HGF: variants seen among roughly 807,000 people sequenced by gnomAD.
HGF encodes the protein fibroblast-derived tumor cytotoxic factor.
HGF carries 39 observed loss-of-function variants against 111.6 expected under a neutral mutation model. That is an observed-to-expected ratio of 0.35 (90% confidence interval 0.27 to 0.46). The LOEUF (loss-of-function observed/expected upper bound fraction) is 0.46. Ranked by LOEUF, HGF falls within the 20% of genes least tolerant of loss-of-function variation. The probability of loss-of-function intolerance (pLI) is 1.00; values close to 1 mark genes in which losing one functional copy is unlikely to be tolerated. For missense variants in HGF, 735 were observed against 910.5 expected (o/e 0.81, Z 2.48); for synonymous variants, 285 against 294.8 (o/e 0.97, Z 0.34).
intron 7 of HGF, among the ~76,000 whole-genome samples, chr7:81,734,258 C>T (rs1787755605): frequency 6.6e-6 from 1 of 152,114 alleles, no homozygotes; most frequent in African/African-American, 2.4e-5. Context: ...CCAGGGGTAT[C>T]AGCAGTGGCT....
intron 9 of HGF, among the ~76,000 whole-genome samples, chr7:81,723,637 T>C (rs1193985104): frequency 6.6e-6 from 1 of 151,014 alleles, no homozygotes; most frequent in Non-Finnish European, 1.5e-5. Context: ...CAGTTTTCAT[T>C]TTTCTTTAAT....
chr7:81,751,201 T>A (rs985564984), intron 5 of HGF: 5 of 920,514 alleles, frequency 5.4e-6, no homozygotes, highest in African/African-American at 5.4e-5. Context: ...GATATCTTAG[T>A]ATAAAACTTG....
chr7:81,746,531 A>T (rs1231699958), intron 5 of HGF, among the ~76,000 whole-genome samples: 1 of 152,212 alleles, frequency 6.6e-6, no homozygotes, highest in Non-Finnish European at 1.5e-5. Context: ...ATGATGCAGC[A>T]TTTATCGTTA....
rs533067633 is a variant in HGF, at chr7:81,702,767, A to G, written c.2011-10T>C. On this transcript the variant is annotated splice_polypyrimidine_tract_variant and intron_variant, in intron 17 of 17. Transcript: ENST00000222390. ...GGCCACCATAATCCCCCTAGGAGTA[A>G]GACATACAAAAACAAAGTATTATTA... 14 of 1,608,290 alleles carry G rather than the reference A, an allele frequency of 8.7e-6. No individual in the cohort carries two copies. Among genetic ancestry groups the G allele is most frequent in the Non-Finnish European group, 1.2e-5 (14 of 1,175,446 alleles).
chr7:81,749,980 C>A (rs570572246), intron 5 of HGF, among the ~76,000 whole-genome samples: 3 of 152,010 alleles, frequency 2.0e-5, no homozygotes, highest in African/African-American at 7.2e-5. Flanking sequence ...ATAGTTGCTA[C>A]CTTAGCCATA....
intron 6 of HGF, among the ~76,000 whole-genome samples, chr7:81,744,323 G>C (rs1207503442): frequency 6.7e-6 from 1 of 148,472 alleles, no homozygotes; most frequent in African/African-American, 2.5e-5. Context: ...TTTTTTTGGC[G>C]GAGATGGGTA....
intron 7 of HGF, among the ~76,000 whole-genome samples, chr7:81,733,286 G>A (rs1290073843): frequency 1.3e-5 from 2 of 151,656 alleles, no homozygotes; most frequent in African/African-American, 4.8e-5. Context: ...AGAATACAAA[G>A]AATTACTGTA....
rs985884873 is a variant in HGF, at chr7:81,707,468, A to C, written c.1542-104T>G. 4.3e-5 allele frequency: 31 copies of C among 713,752 alleles called. No individual in the cohort carries two copies. In the Middle Eastern group the frequency reaches 7.2e-4, roughly 17 times the overall value. The allele number at this position is 713,752 out of a possible 1,614,324, so 44.2% of individuals were successfully genotyped here. On this transcript the variant is annotated intron_variant, in intron 13 of 17. Transcript: ENST00000222390. ...CATTTGTTAAAAATAAATACACTGC[A>C]GAGGAAAATATAGAAATTAACCCAA...
intron 13 of HGF, among the ~76,000 whole-genome samples, chr7:81,709,671 G>T (rs1225429471): frequency 6.6e-6 from 1 of 152,028 alleles, no homozygotes; most frequent in Non-Finnish European, 1.5e-5. Flanking sequence ...AAGATAAAAT[G>T]CTCTAGAATT....
intron 10 of HGF, among the ~76,000 whole-genome samples, chr7:81,719,002 T>G (rs564218166): frequency 6.6e-6 from 1 of 152,316 alleles, no homozygotes; most frequent in East Asian, 1.9e-4. Flanking sequence ...GGATAAAATT[T>G]AGATTTCTTA....
chr7:81,754,012 T>G (rs1316803447), intron 4 of HGF, among the ~76,000 whole-genome samples: 1 of 151,986 alleles, frequency 6.6e-6, no homozygotes, highest in Non-Finnish European at 1.5e-5. Flanking sequence ...TTTTGCTTTA[T>G]ATGTTTTCAA....
At chr7:81,709,763 A>T (rs530717615) in intron 13 of HGF, among the ~76,000 whole-genome samples, 1 of 152,362 alleles carries the variant, frequency 6.6e-6, no homozygotes, top group South Asian at 2.1e-4. Context: ...ATGATCATGC[A>T]TAAACATATT....
At chr7:81,720,027 C>T (rs1371255833) in intron 10 of HGF, among the ~76,000 whole-genome samples, 2 of 152,124 alleles carry the variant, frequency 1.3e-5, no homozygotes, top group Admixed American at 6.6e-5. Flanking sequence ...ATGAAAAAAT[C>T]TGCTTTAGGT....
intron 7 of HGF, chr7:81,742,718 AT>A: frequency 7.0e-7 from 1 of 1,419,296 alleles, no homozygotes; most frequent in Non-Finnish European, 9.2e-7. Flanking sequence ...TTTATTGTAA[AT>A]TCAGAAAAGC....
At chr7:81,759,736 C>T (rs2116213017) in intron 2 of HGF, among the ~76,000 whole-genome samples, 1 of 152,230 alleles carries the variant, frequency 6.6e-6, no homozygotes, top group East Asian at 1.9e-4. Context: ...GATCTCCTGA[C>T]CTCGTGATCT....
intron 2 of HGF, among the ~76,000 whole-genome samples, chr7:81,761,709 T>C (rs998521248): frequency 1.2e-4 from 18 of 151,884 alleles, no homozygotes; most frequent in African/African-American, 4.1e-4. Flanking sequence ...GAGTTTTATC[T>C]TCTGGGATCA....
chr7:81,713,983 TGTGTGC>T (rs1275448036), intron 11 of HGF, among the ~76,000 whole-genome samples: 16 of 112,320 alleles, frequency 1.4e-4, no homozygotes, highest in African/African-American at 3.9e-4. Context: ...GGTAGGGGTG[TGTGTGC>T]GTGTGTGTGT....
rs1368919023 is a variant in HGF at position 81,724,493 on chromosome 7, C to T, written c.1168+1397G>A. On this transcript the variant is annotated intron_variant, in intron 9 of 17. Coordinates refer to ENST00000222390, the MANE Select transcript of HGF (RefSeq NM_000601.6). Reference sequence around the variant, plus strand: ...ACATGATCATTTAAAAAGGATAACTCTCAATTTACTATACATCAGTAATTC... The same window carrying T: ...ACATGATCATTTAAAAAGGATAACTTTCAATTTACTATACATCAGTAATTC... Among the ~76,000 whole-genome samples, 3 of 152,154 alleles carry T rather than the reference C, an allele frequency of 2.0e-5. No individual in the cohort carries two copies. In the South Asian group the frequency reaches 6.2e-4, roughly 32 times the overall value.
In HGF at chr7:81,731,912, C is replaced by T. The variant is rs115144472; in HGVS notation, c.866-2133G>A. ...CTTGTGACCTCAGTCAGGACTAAGT[C>T]CTGACAATGGAAGGGAGTTCAGAGT... On this transcript the variant is annotated intron_variant, in intron 7 of 17. Coordinates refer to ENST00000222390, the MANE Select transcript of HGF (RefSeq NM_000601.6). Among the ~76,000 whole-genome samples, 1,378 of 152,210 alleles carry T rather than the reference C, an allele frequency of 9.1e-3. 19 individuals carry two copies. The highest frequency in any genetic ancestry group is 0.03 in the African/African-American group (1,242 of 41,542).
Sources: allele counts gnomAD v4.1 joint callset (sites outside exome capture counted in the v4.1 genomes callset), GRCh38; gene constraint gnomAD v4.1.1; transcripts MANE v1.5; gene names NCBI Gene and HGNC (gene_info 2026-07-23, HGNC 2026-07-21).